TRPM6: variants seen among roughly 807,000 people sequenced by gnomAD.
The protein encoded by TRPM6 is channel kinase 2.
A neutral mutation model predicts 247.6 loss-of-function variants in TRPM6; 111 were observed. The ratio of observed to expected loss-of-function variants is 0.45; its 90% CI spans 0.38 to 0.52. The LOEUF (loss-of-function observed/expected upper bound fraction) is 0.52, where lower values mean the gene tolerates loss of function less well. Among genes scored for constraint, TRPM6 ranks in the 20% least tolerant of loss-of-function variants. The pLI, the probability that TRPM6 is intolerant of heterozygous loss-of-function variation, is 0.00. For synonymous variants in TRPM6, 892 were observed against 853.8 expected (o/e 1.04, Z -0.78); for missense variants, 2,126 against 2,421.5 (o/e 0.88, Z 2.56).
intron 34 of TRPM6, 95 bp from the exon 35 acceptor site, chr9:74,739,544 C>G: frequency 6.7e-7 from 1 of 1,503,386 alleles, no homozygotes; most frequent in South Asian, 1.1e-5. Context: ...GATTTTTAGC[C>G]TTATTCAACT....
chr9:74,759,492 T>G (rs1826550162), intron 27 of TRPM6, among the ~76,000 whole-genome samples: 2 of 152,116 alleles, frequency 1.3e-5, no homozygotes, highest in South Asian at 4.1e-4. Context: ...CTATTATTGT[T>G]AATATGGTCA....
intron 28 of TRPM6, among the ~76,000 whole-genome samples, chr9:74,753,678 G>A (rs1032626909): frequency 1.3e-5 from 2 of 152,166 alleles, no homozygotes; most frequent in Non-Finnish European, 2.9e-5. Flanking sequence ...CTTGGGTGAT[G>A]GAGCCAGACC....
rs574035308 is a variant in TRPM6 at position 74,746,844 on chromosome 9, C to T, written c.5083+1045G>A. 2.3e-4 allele frequency among the ~76,000 whole-genome samples: 16 copies of T among 70,490 alleles called. No homozygotes were observed. In the South Asian group the frequency reaches 3.5e-3, roughly 15 times the overall value. The allele number at this position is 70,490 out of a possible 152,430, so 46.2% of individuals were successfully genotyped here. ...CTGAAGATGAGGGGGTGGGGAGTGG[C>T]GGGGGAGGGACGGAGTTAGAAGGCA... On this transcript the variant is annotated intron_variant, in intron 31 of 38. Coordinates refer to ENST00000360774, the MANE Select transcript of TRPM6 (RefSeq NM_017662.5).
chr9:74,774,909 GA>G (rs1272257999), intron 24 of TRPM6, among the ~76,000 whole-genome samples: 2 of 152,066 alleles, frequency 1.3e-5, no homozygotes, highest in East Asian at 3.9e-4. Context: ...AATTTGTGAA[GA>G]AAAAAGGATT....
chr9:74,794,907 G>A (rs569122419), intron 18 of TRPM6, among the ~76,000 whole-genome samples: 1 of 113,214 alleles, frequency 8.8e-6, no homozygotes, highest in Non-Finnish European at 1.6e-5. Flanking sequence ...TTTTCTAATT[G>A]TAATCTGATA....
intron 31 of TRPM6, among the ~76,000 whole-genome samples, chr9:74,746,909 T>C (rs1826067869): frequency 6.6e-6 from 1 of 151,932 alleles, no homozygotes; most frequent in Non-Finnish European, 1.5e-5. Context: ...AAGGAGATTG[T>C]AAATGACTTA....
chr9:74,840,424 G>A (rs1238355170), intron 4 of TRPM6, among the ~76,000 whole-genome samples, 187 bp from the exon 5 acceptor site: 1 of 152,198 alleles, frequency 6.6e-6, no homozygotes, highest in Admixed American at 6.5e-5. Flanking sequence ...CTCCCATTAA[G>A]TTCCTTCTGG....
At chr9:74,887,127 C>T in intron 1 of TRPM6, 1 of 659,172 alleles carries the variant, frequency 1.5e-6, no homozygotes, top group Admixed American at 3.8e-5. Context: ...CCTGTTGCGC[C>T]ATATGCCAGC....
intron 35 of TRPM6, among the ~76,000 whole-genome samples, chr9:74,739,026 G>A (rs1729082039): frequency 6.6e-6 from 1 of 152,160 alleles, no homozygotes; most frequent in South Asian, 2.1e-4. Flanking sequence ...ATAAGATATT[G>A]GGGGAAGAGA....
At chr9:74,769,975 G>A (rs1288603666) in intron 25 of TRPM6, among the ~76,000 whole-genome samples, 1 of 152,166 alleles carries the variant, frequency 6.6e-6, no homozygotes, top group Non-Finnish European at 1.5e-5. Context: ...CTATAAAGGG[G>A]CGCAGAACGT....
chr9:74,738,366 T>G (rs1471054377), intron 36 of TRPM6, 41 bp downstream of exon 36: 1 of 1,606,272 alleles, frequency 6.2e-7, no homozygotes, highest in Non-Finnish European at 8.5e-7. Context: ...CTTTACACTT[T>G]GCCTCATGCT....
At chr9:74,746,099 G>A (rs565007822) in intron 31 of TRPM6, among the ~76,000 whole-genome samples, 274 of 152,070 alleles carry the variant, frequency 1.8e-3, no homozygotes, top group Admixed American at 3.0e-3. Flanking sequence ...AAAATTAGCC[G>A]GGCGTGGTGG....
intron 37 of TRPM6, among the ~76,000 whole-genome samples, chr9:74,731,793 G>A (rs139247995): frequency 6.6e-6 from 1 of 151,618 alleles, no homozygotes; most frequent in African/African-American, 2.4e-5. Context: ...ATGTATGCTG[G>A]CAGTTCTCAA....
At chr9:74,768,899 C>T (rs539792234) in intron 25 of TRPM6, among the ~76,000 whole-genome samples, 1 of 152,294 alleles carries the variant, frequency 6.6e-6, no homozygotes, top group Admixed American at 6.5e-5. Flanking sequence ...TATCCCAGTT[C>T]ATAATCTTGG....
At chr9:74,873,738 T>G (rs990150619) in intron 1 of TRPM6, among the ~76,000 whole-genome samples, 2 of 152,152 alleles carry the variant, frequency 1.3e-5, no homozygotes, top group Non-Finnish European at 2.9e-5. Flanking sequence ...AGATTTTTTA[T>G]CTTAACATTT....
chr9:74,853,096 G>C (rs1587582217), intron 3 of TRPM6, among the ~76,000 whole-genome samples: 1 of 151,268 alleles, frequency 6.6e-6, no homozygotes, highest in African/African-American at 2.4e-5. Flanking sequence ...GCCTCTGCCC[G>C]GCCGCGACCC....
At chr9:74,786,149 T>A (rs767880331) in intron 20 of TRPM6, 24 bp from the exon 21 acceptor site, 1 of 1,613,684 alleles carries the variant, frequency 6.2e-7, no homozygotes, top group Non-Finnish European at 8.5e-7. Context: ...GAAGGAAACT[T>A]TAAAAAGGAG....
intron 23 of TRPM6, among the ~76,000 whole-genome samples, chr9:74,779,649 T>C (rs1827348515): frequency 6.6e-6 from 1 of 152,046 alleles, no homozygotes; most frequent in Non-Finnish European, 1.5e-5. Flanking sequence ...TTGGTTTCTT[T>C]TGTCTAGGAA....
Position 74,796,867 on chromosome 9 carries a change from G to A in TRPM6, c.2265C>T (p.Pro755=). 6.2e-7 allele frequency: 1 copy of A among 1,613,750 alleles called. No individual in the cohort carries two copies. Residue 755 remains proline, a synonymous_variant, in exon 18 of 39, where the codon CCC becomes CCT. Coordinates refer to ENST00000360774, the MANE Select transcript of TRPM6 (RefSeq NM_017662.5). ...TTTTAAATTCCAGTGTCAAAATGGT[G>A]GGTGGTAAAATAATGCTTATAATAA... ...LKIIISIILP[P]TILTLEFKSK...
Sources: gnomAD v4.1 joint callset for allele counts (sites outside exome capture counted in the v4.1 genomes callset) on GRCh38, gnomAD v4.1.1 for gene constraint, MANE v1.5 for transcripts, NCBI Gene and HGNC (gene_info 2026-07-23, HGNC 2026-07-21) for gene names.